The following AURKAIP1 variants were observed in gnomAD, a reference collection of about 807,000 sequenced individuals.
AURKAIP1 encodes aurora kinase A interacting protein 1, also known as small ribosomal subunit protein bS22, mitochondrial.
In AURKAIP1, 20 loss-of-function variants were observed where a neutral mutation model predicts 18.4. The observed-to-expected ratio is 1.09, with a 90% CI of 0.77 to 1.58. The LOEUF (loss-of-function observed/expected upper bound fraction) is 1.58, where lower values mean the gene tolerates loss of function less well. Among genes scored for constraint, AURKAIP1 ranks in the 40% most tolerant of loss-of-function variants. The pLI, the probability that AURKAIP1 is intolerant of heterozygous loss-of-function variation, is 0.00. For missense variants in AURKAIP1, 319 were observed against 270.7 expected, an observed-to-expected ratio of 1.18 and a Z score of -1.25; for synonymous variants, 156 against 120.8, an observed-to-expected ratio of 1.29 and a Z score of -1.91.
rs1186653109 is a variant in AURKAIP1 at position 1,374,348 on chromosome 1, A to G, written c.150T>C (p.Ser50=). Residue 50 remains serine, a synonymous_variant, in exon 3 of 4, where the codon TCT becomes TCC. Transcript: ENST00000338338. Reference sequence around the variant, plus strand: ...CCAGCTGGGCCCCCTTGCGAGGGAGAGAGGCCGCCCTACCTGGGCCGGCCG... The same window carrying G: ...CCAGCTGGGCCCCCTTGCGAGGGAGGGAGGCCGCCCTACCTGGGCCGGCCG... The part of the protein sequence containing the change: ...TSPAGPGRAA[S]LPRKGAQLEL... 2 of 1,549,602 alleles carry G rather than the reference A, an allele frequency of 1.3e-6. No homozygotes were observed. The highest frequency in any genetic ancestry group is 2.7e-5 in the African/African-American group (2 of 73,596).
chr1:1,374,969 A>T (rs1644334460), intron 1 of AURKAIP1, 179 bp from the exon 2 acceptor site: 3 of 515,278 alleles, frequency 5.8e-6, no homozygotes, highest in Non-Finnish European at 1.0e-5. Context: ...CAAGCCCCCG[A>T]CGCGGGCGGT....
In AURKAIP1 at chr1:1,374,306, C is replaced by T; in HGVS notation, c.192G>A (p.Leu64=). The change falls in exon 3 of 4, where the codon CTG becomes CTA. Residue 64 remains leucine (L), a synonymous_variant. Transcript: ENST00000338338. The part of the protein sequence containing the change: ...KGAQLELEEM[L]VPRKMSVSPL... ...GGCTGACGGACATCTTCCTGGGGAC[C>T]AGCATCTCCTCCAGCTCCAGCTGGG... 1.3e-6 allele frequency: 2 copies of T among 1,587,152 alleles called. No individual in the cohort carries two copies. Among genetic ancestry groups the T allele is most frequent in the Non-Finnish European group, 1.7e-6 (2 of 1,168,356 alleles).
At chr1:1,374,835 T>C in intron 1 of AURKAIP1, 45 bp from the exon 2 acceptor site, 7 of 1,402,358 alleles carry the variant, frequency 5.0e-6, no homozygotes, top group Non-Finnish European at 6.8e-6. Context: ...GCGCCTTCAG[T>C]AGTCGCGGGC....
chr1:1,374,623 G>C (rs1224288521), intron 2 of AURKAIP1, 82 bp downstream of exon 2: 2 of 1,465,486 alleles, frequency 1.4e-6, no homozygotes, highest in Non-Finnish European at 1.9e-6. Flanking sequence ...TGTGGCCACC[G>C]GCCCTGCCCC....
chr1:1,374,650 C>A, intron 2 of AURKAIP1, 55 bp downstream of exon 2: 1 of 1,530,456 alleles, frequency 6.5e-7, no homozygotes. Context: ...GCTGCTGAGA[C>A]CCGCACTCCT....
chr1:1,374,312 C>T lies in AURKAIP1; in HGVS notation c.186G>A (p.Glu62=), dbSNP rs11548465. The T allele has an allele frequency of 9.2e-5, 146 of 1,580,478 alleles. No individual in the cohort carries two copies. In the Middle Eastern group the frequency reaches 1.7e-3, roughly 18 times the overall value. The change falls in exon 3 of 4, where the codon GAG becomes GAA. Residue 62 remains glutamate (E), a synonymous_variant. Transcript: ENST00000338338. Reference sequence around the variant, plus strand: ...CGGACATCTTCCTGGGGACCAGCATCTCCTCCAGCTCCAGCTGGGCCCCCT... The same window carrying T: ...CGGACATCTTCCTGGGGACCAGCATTTCCTCCAGCTCCAGCTGGGCCCCCT... ...PRKGAQLELE[E]MLVPRKMSVS...
In AURKAIP1 at chr1:1,374,293, T is replaced by C; in HGVS notation, c.205A>G (p.Met69Val). Residue 69 changes from methionine (M) to valine (V), a missense_variant, in exon 3 of 4, where the codon ATG (methionine) becomes GTG (valine). Coordinates refer to ENST00000338338, the MANE Select transcript of AURKAIP1 (RefSeq NM_017900.3). Reference protein sequence around the residue: ...ELEEMLVPRKMSVSPLESWLT... With the variant: ...ELEEMLVPRKVSVSPLESWLT... The stretch of plus-strand genomic sequence containing the variant: ...CAGCTCTCCAGGGGGCTGACGGACA[T>C]CTTCCTGGGGACCAGCATCTCCTCC... 6.3e-7 allele frequency: 1 copy of C among 1,592,242 alleles called. No homozygotes were observed. Among genetic ancestry groups the C allele is most frequent in the Non-Finnish European group, 8.5e-7 (1 of 1,170,576 alleles).
At chr1:1,375,043 C>G (rs1044555454) in intron 1 of AURKAIP1, 111 bp downstream of exon 1, 22 of 367,298 alleles carry the variant, frequency 6.0e-5, no homozygotes, top group Non-Finnish European at 1.0e-4. Context: ...CGGGTTCACC[C>G]CCGCGCGAAT....
intron 1 of AURKAIP1, 87 bp from the exon 2 acceptor site, chr1:1,374,877 G>C: frequency 1.1e-6 from 1 of 886,868 alleles, no homozygotes; most frequent in Non-Finnish European, 1.7e-6. Context: ...GTCCCGCCGC[G>C]ACCCTCGCTT....
rs1379077209 is a variant in AURKAIP1, at chr1:1,374,186, C to T, written c.312G>A (p.Pro104=). ...CGGCCCCTTCCCCTATCTGGCTGGG[C>T]GGACACTGGTAGGATTGCGGTGGAG... ...TVAPPQSYQC[P]PSQIGEGAEQ... is the part of the protein sequence containing the mutation. The change falls in exon 3 of 4, where the codon CCG becomes CCA. Residue 104 remains proline, a synonymous_variant. Coordinates refer to ENST00000338338, the MANE Select transcript of AURKAIP1 (RefSeq NM_017900.3). 1.2e-6 allele frequency: 2 copies of T among 1,613,748 alleles called. No individual in the cohort carries two copies. The highest frequency in any genetic ancestry group is 1.3e-5 in the African/African-American group (1 of 75,074).
chr1:1,374,145 C>T lies in AURKAIP1; in HGVS notation c.353G>A (p.Gly118Asp). The part of the protein sequence containing the change: ...IGEGAEQGDE[G>D]VADAPQIQCK... Reference sequence around the variant, plus strand: ...CTGAATTTGAGGCGCATCCGCGACGCCTTCATCCCCCTGCTCGGCCCCTTC... The same window carrying T: ...CTGAATTTGAGGCGCATCCGCGACGTCTTCATCCCCCTGCTCGGCCCCTTC... The change falls in exon 3 of 4, where the codon GGC becomes GAC. Residue 118 changes from glycine to aspartate, a missense_variant. By Grantham distance (94) the Gly-to-Asp change is moderately conservative. Transcript: ENST00000338338. The T allele has an allele frequency of 6.2e-7, 1 of 1,613,966 alleles. No individual in the cohort carries two copies. Among genetic ancestry groups the T allele is most frequent in the Non-Finnish European group, 8.5e-7 (1 of 1,180,026 alleles).
Position 1,374,459 on chromosome 1 carries a change from G to C in AURKAIP1, c.53-14C>G, listed in dbSNP as rs1288771537. The C allele has an allele frequency of 6.9e-6, 10 of 1,442,178 alleles. No individual in the cohort carries two copies. The highest frequency in any genetic ancestry group is 8.2e-6 in the Non-Finnish European group (9 of 1,102,124). The allele number at this position is 1,442,178 out of a possible 1,614,324, so 89.3% of individuals were successfully genotyped here. A position where few individuals can be genotyped will look rare whatever the true frequency, so the allele number is the denominator to read the frequency against. Reference sequence around the variant, plus strand: ...GCGGGCGGCCGCCTGCAGAAAACCAGACGCCACGGTCACCGCTCGCGAGAC... The same window carrying C: ...GCGGGCGGCCGCCTGCAGAAAACCACACGCCACGGTCACCGCTCGCGAGAC... On this transcript the variant is annotated splice_polypyrimidine_tract_variant and intron_variant, in intron 2 of 3. Transcript: ENST00000338338.
At position 1,374,451 on chromosome 1, in the gene AURKAIP1, G is replaced by A. The variant is rs927734008; in HGVS notation, c.53-6C>T. 3 of 1,444,036 alleles carry A rather than the reference G, an allele frequency of 2.1e-6. No homozygotes were observed. Among genetic ancestry groups the A allele is most frequent in the Middle Eastern group, 1.9e-4 (1 of 5,386 alleles). 89.5% of individuals were successfully genotyped at this position (1,444,036 alleles called of 1,614,324 possible). Reference sequence around the variant, plus strand: ...GGGCCAAGGCGGGCGGCCGCCTGCAGAAAACCAGACGCCACGGTCACCGCT... The same window carrying A: ...GGGCCAAGGCGGGCGGCCGCCTGCAAAAAACCAGACGCCACGGTCACCGCT... On this transcript the variant is annotated splice_polypyrimidine_tract_variant and splice_region_variant and intron_variant, in intron 2 of 3. Transcript: ENST00000338338.
Position 1,374,738 on chromosome 1 carries a change from T to A in AURKAIP1, c.19A>T (p.Thr7Ser). 6.4e-7 allele frequency: 1 copy of A among 1,560,788 alleles called. No homozygotes were observed. Among genetic ancestry groups the A allele is most frequent in the South Asian group, 1.2e-5 (1 of 84,766 alleles). MLLGRL[T>S]SQLLRAVPWA... Reference sequence around the variant, plus strand: ...GGAACGGCCCTCAACAGCTGGGAAGTCAGGCGCCCCAGGAGCATGGTCTGT... The same window carrying A: ...GGAACGGCCCTCAACAGCTGGGAAGACAGGCGCCCCAGGAGCATGGTCTGT... Residue 7 changes from threonine (T) to serine (S), a missense_variant, in exon 2 of 4, where the codon ACT becomes TCT. Coordinates refer to ENST00000338338, the MANE Select transcript of AURKAIP1 (RefSeq NM_017900.3).
chr1:1,374,513 C>T, intron 2 of AURKAIP1, 68 bp from the exon 3 acceptor site: 1 of 1,396,630 alleles, frequency 7.2e-7, no homozygotes, highest in Non-Finnish European at 9.5e-7. Context: ...TGAGGAGCAG[C>T]AGGTTCGTCC....
Position 1,373,763 on chromosome 1 carries a change from G to C in AURKAIP1, c.*38C>G, listed in dbSNP as rs751866144. 6.4e-7 allele frequency: 1 copy of C among 1,555,690 alleles called. No individual in the cohort carries two copies. Among genetic ancestry groups the C allele is most frequent in the East Asian group, 2.2e-5 (1 of 44,572 alleles). On this transcript the variant is annotated 3_prime_UTR_variant, in exon 4 of 4. Coordinates refer to ENST00000338338, the MANE Select transcript of AURKAIP1 (RefSeq NM_017900.3). ...AGTCCTCTGAGAATTTATTACTACG[G>C]ATCACAGCAGCAACGGGCGGGAAGG...
In AURKAIP1 at chr1:1,374,671, G is replaced by A. The variant is rs777599781; in HGVS notation, c.52+34C>T. 1.0e-5 allele frequency: 16 copies of A among 1,550,230 alleles called. No homozygotes were observed. In the African/African-American group the frequency reaches 2.1e-4, roughly 20 times the overall value. ...GAGACCCGCACTCCTAACCAGGTGT[G>A]CATCCTCCCATCCGCCCCCGCGCGG... On this transcript the variant is annotated intron_variant, in intron 2 of 3. Transcript: ENST00000338338.
rs750366425 is a variant in AURKAIP1 at position 1,373,912 on chromosome 1, G to A, written c.499-10C>T. 6.8e-6 allele frequency: 11 copies of A among 1,608,928 alleles called. No homozygotes were observed. The highest frequency in any genetic ancestry group is 1.7e-5 in the Admixed American group (1 of 60,002). On this transcript the variant is annotated splice_polypyrimidine_tract_variant and intron_variant, in intron 3 of 3. Transcript: ENST00000338338. ...CTTTCTCGAACTTGATCTGCAAGAC[G>A]CAGAGAGAGGGACCGCCAAGTAATT...
intron 1 of AURKAIP1, 24 bp downstream of exon 1, chr1:1,375,130 C>A (rs995315947): frequency 3.7e-5 from 8 of 218,996 alleles, no homozygotes; most frequent in Non-Finnish European, 6.4e-5. Context: ...CTCAGGCCTC[C>A]CGCTGACCCT....
Sources: gnomAD v4.1 joint callset for allele counts on GRCh38, gnomAD v4.1.1 for gene constraint, MANE v1.5 for transcripts, NCBI Gene and HGNC (gene_info 2026-07-23, HGNC 2026-07-21) for gene names.